The following NBPF8 variants were observed in gnomAD, a reference collection of about 807,000 sequenced individuals.
The protein encoded by NBPF8 is NBPF family member NBPF8.
chr1:120,455,793 ACTT>A (rs1235207849), intron 16 of NBPF8, among the ~76,000 whole-genome samples: 7 of 148,336 alleles, frequency 4.7e-5, no homozygotes, highest in African/African-American at 1.7e-4. Flanking sequence ...GATCTTAGTT[ACTT>A]CTTGTCTTCT....
chr1:120,468,529 T>C (rs1374912187), downstream of NBPF8, among the ~76,000 whole-genome samples: 1 of 150,240 alleles, frequency 6.7e-6, no homozygotes, highest in Middle Eastern at 3.4e-3. Flanking sequence ...TATGTTCTCA[T>C]TGTGGGATTC....
upstream of NBPF8, among the ~76,000 whole-genome samples, chr1:120,416,835 T>C (rs1660449780): frequency 6.6e-6 from 1 of 151,624 alleles, no homozygotes; most frequent in Admixed American, 6.6e-5. Context: ...ACCTTGCTGA[T>C]GCCTGTCAGT....
upstream of NBPF8, chr1:120,433,964 C>T (rs1326908582): frequency 6.7e-5 from 11 of 164,134 alleles, no homozygotes; most frequent in Admixed American, 2.5e-4. Flanking sequence ...GGAAGGTTTT[C>T]CCTGGGACGG....
At chr1:120,415,674 C>T (rs1215870850), upstream of NBPF8, among the ~76,000 whole-genome samples, 6 of 152,218 alleles carry the variant, frequency 3.9e-5, no homozygotes, top group East Asian at 1.9e-4. Context: ...CCCTGACTTG[C>T]AAAGTTGGGG....
chr1:120,452,009 TG>T, intron 12 of NBPF8, 107 bp from the exon 11 acceptor site: 1 of 1,234,878 alleles, frequency 8.1e-7, no homozygotes, highest in Non-Finnish European at 1.2e-6. Flanking sequence ...GCTGACCTTC[TG>T]TTTCAAGGTC....
At position 120,465,390 on chromosome 1, in the gene NBPF8, G is replaced by A; in HGVS notation, n.3568+19G>A. 1 of 596,542 alleles carries A rather than the reference G, an allele frequency of 1.7e-6. No individual in the cohort carries two copies. The highest frequency in any genetic ancestry group is 3.0e-6 in the Non-Finnish European group (1 of 330,306). The allele number at this position is 596,542 out of a possible 1,614,324, so 37.0% of individuals were successfully genotyped here. A position where few individuals can be genotyped will look rare whatever the true frequency, so the allele number is the denominator to read the frequency against. Reference sequence around the variant, plus strand: ...GCCCCAGGTAACTTTCAGCAATTGTGGATGCTTAATTCTGTGTTAACACCT... The same window carrying A: ...GCCCCAGGTAACTTTCAGCAATTGTAGATGCTTAATTCTGTGTTAACACCT... On this transcript the variant is annotated intron_variant and non_coding_transcript_variant, in intron 24 of 24. Transcript: ENST00000583271.
chr1:120,431,486 A>T (rs1314105457), upstream of NBPF8, among the ~76,000 whole-genome samples: 2 of 150,880 alleles, frequency 1.3e-5, no homozygotes, highest in African/African-American at 4.9e-5. Context: ...AGACTTAGAT[A>T]CTTCAGAAAA....
chr1:120,460,488 C>T (rs1661550219), intron 17 of NBPF8, 85 bp from the exon 16 acceptor site: 3 of 826,892 alleles, frequency 3.6e-6, no homozygotes, highest in East Asian at 2.4e-5. Flanking sequence ...ACTGATGTCC[C>T]TGTGTTAGGA....
intron 15 of NBPF8, among the ~76,000 whole-genome samples, chr1:120,454,318 C>A (rs1661373395): frequency 2.0e-5 from 3 of 152,132 alleles, no homozygotes; most frequent in Non-Finnish European, 4.4e-5. Flanking sequence ...CAACCCCAGG[C>A]AAGTGTGACA....
At chr1:120,424,224 A>G (rs1660646786) in intron 1 of NBPF8, among the ~76,000 whole-genome samples, 1 of 151,708 alleles carries the variant, frequency 6.6e-6, no homozygotes, top group Non-Finnish European at 1.5e-5. Flanking sequence ...GTTTTGTGAC[A>G]AGTAGAGAAG....
At chr1:120,464,404 G>C (rs1314608384) in exon 23 of NBPF8, 77 of 737,362 alleles carry the variant, frequency 1.0e-4, no homozygotes, top group Non-Finnish European at 1.7e-4. Context: ...GGAGGTAGTA[G>C]AGCCTGAAGT....
chr1:120,455,092 G>A (rs199813898), intron 15 of NBPF8, among the ~76,000 whole-genome samples: 7 of 149,238 alleles, frequency 4.7e-5, no homozygotes, highest in East Asian at 4.1e-4. Context: ...AGTCCATATC[G>A]CAGCAACACT....
chr1:120,415,213 C>T (rs1553244906), upstream of NBPF8, among the ~76,000 whole-genome samples: 6 of 152,292 alleles, frequency 3.9e-5, no homozygotes, highest in East Asian at 1.9e-4. Context: ...CGAGGCGCGG[C>T]GCACGGATGC....
Position 120,464,522 on chromosome 1 carries a change from A to T in NBPF8, n.3433A>T, listed in dbSNP as rs1465860568. On this transcript the variant is annotated non_coding_transcript_exon_variant, in exon 23 of 25. Transcript: ENST00000583271. ...TCCTTTTATGCATTGGAGGAAAAAC[A>T]TGTTGGCTTTTCTCTTGACGTGGGA... The T allele has an allele frequency of 1.4e-4, 142 of 988,862 alleles. No homozygotes were observed. The Middle Eastern group carries it at 2.1e-3, about 15-fold the overall frequency. 61.3% of individuals were successfully genotyped at this position (988,862 alleles called of 1,614,324 possible). A position where few individuals can be genotyped will look rare whatever the true frequency, so the allele number is the denominator to read the frequency against.
At chr1:120,466,303 C>T in exon 25 of NBPF8, 2 of 1,562,016 alleles carry the variant, frequency 1.3e-6, no homozygotes, top group Non-Finnish European at 1.7e-6. Context: ...ACTATAGTTC[C>T]ATTTGGAAGC....
intron 14 of NBPF8, 95 bp downstream of exon 12, chr1:120,453,539 C>T: frequency 5.6e-6 from 6 of 1,078,700 alleles, no homozygotes; most frequent in Non-Finnish European, 8.4e-6. Flanking sequence ...GGGTCAAAAA[C>T]CCGCATTTGC....
upstream of NBPF8, among the ~76,000 whole-genome samples, chr1:120,419,320 ACAGATAGAC>A (rs1271106803): frequency 1.3e-5 from 2 of 152,220 alleles, no homozygotes; most frequent in African/African-American, 4.8e-5. Flanking sequence ...ATATACGTGT[ACAGATAGAC>A]CAGATAGACC....
intron 15 of NBPF8, 83 bp downstream of exon 13, chr1:120,454,197 T>A (rs1661368664): frequency 6.7e-7 from 1 of 1,488,044 alleles, no homozygotes; most frequent in Admixed American, 1.8e-5. Context: ...TAAACACAAA[T>A]TCATTTGAAT....
At chr1:120,415,414 C>T (rs1427018643), upstream of NBPF8, among the ~76,000 whole-genome samples, 2 of 152,022 alleles carry the variant, frequency 1.3e-5, no homozygotes, top group Non-Finnish European at 2.9e-5. Context: ...GGCGTGTGTT[C>T]CGGCCCCGCC....
Sources: allele counts gnomAD v4.1 joint callset (sites outside exome capture counted in the v4.1 genomes callset), GRCh38; gene constraint gnomAD v4.1.1; transcripts MANE v1.5; gene names NCBI Gene and HGNC (gene_info 2026-07-23, HGNC 2026-07-21).